SYN2: variants seen among roughly 807,000 people sequenced by gnomAD.
SYN2 encodes synapsin-2.
SYN2 carries 19 observed loss-of-function variants against 50.9 expected under a neutral mutation model. That is an observed-to-expected ratio of 0.37 (90% CI 0.26 to 0.55). The LOEUF (loss-of-function observed/expected upper bound fraction) is 0.55, where lower values mean the gene tolerates loss of function less well. SYN2 is among the 20% of genes least tolerant of loss of function. The probability of loss-of-function intolerance (pLI) is 0.81; values close to 1 mark genes in which losing one functional copy is unlikely to be tolerated. For missense variants in SYN2, 587 were observed against 576.4 expected (o/e 1.02, Z -0.19); for synonymous variants, 255 against 224.9 (o/e 1.13, Z -1.20).
chr3:12,044,181 T>TCTCTCTCTCTCTCTCACACACACA, intron 1 of SYN2, among the ~76,000 whole-genome samples: 1 of 53,406 alleles, frequency 1.9e-5, no homozygotes, highest in African/African-American at 4.6e-5. Context: ...TCTCTCTCTC[T>TCTCTCTCTCTCTCTCACACACACA]CACACACACA....
rs144206440 is a variant in SYN2, at chr3:12,143,673, T to C, written c.527+1677T>C. ...ATGGTGTATGCTATATATATTTTCT[T>C]CATCCAGTCATCCACTGATGGATAC... is the stretch of plus-strand genomic sequence containing the variant. On this transcript the variant is annotated intron_variant, in intron 3 of 12. Coordinates refer to ENST00000621198, the MANE Select transcript of SYN2 (RefSeq NM_133625.6). 7.9e-5 allele frequency among the ~76,000 whole-genome samples: 12 copies of C among 152,338 alleles called. No individual in the cohort carries two copies. In the East Asian group the frequency reaches 1.7e-3, roughly 22 times the overall value.
chr3:12,157,017 A>C, intron 5 of SYN2: 2 of 1,002,326 alleles, frequency 2.0e-6, no homozygotes, highest in Non-Finnish European at 1.5e-6. Flanking sequence ...CTCACTTCTC[A>C]GCCTAAAAAT....
intron 1 of SYN2, among the ~76,000 whole-genome samples, chr3:12,092,653 T>C (rs899814010): frequency 5.3e-5 from 8 of 152,252 alleles, no homozygotes; most frequent in Non-Finnish European, 7.3e-5. Context: ...TCATGCCTTA[T>C]GTCTTCAGCC....
At chr3:12,006,019 G>A (rs1693796356) in intron 1 of SYN2, among the ~76,000 whole-genome samples, 1 of 151,476 alleles carries the variant, frequency 6.6e-6, no homozygotes, top group Non-Finnish European at 1.5e-5. Flanking sequence ...TCTCATAGGG[G>A]TTGAGGTTGG....
chr3:12,102,990 T>C (rs938337211), intron 1 of SYN2, among the ~76,000 whole-genome samples: 2 of 152,152 alleles, frequency 1.3e-5, no homozygotes, highest in Non-Finnish European at 2.9e-5. Context: ...TGAACACTTA[T>C]TTAGAATTTA....
At chr3:12,113,074 C>T (rs1006195881) in intron 1 of SYN2, among the ~76,000 whole-genome samples, 1 of 152,106 alleles carries the variant, frequency 6.6e-6, no homozygotes, top group Non-Finnish European at 1.5e-5. Flanking sequence ...ACGTTCTAGG[C>T]CCCGTGGTGG....
intron 1 of SYN2, among the ~76,000 whole-genome samples, chr3:12,140,429 A>C (rs988003789): frequency 1.2e-4 from 19 of 152,166 alleles, no homozygotes; most frequent in African/African-American, 4.1e-4. Context: ...CCTGATAATG[A>C]AGGGATGTTT....
chr3:12,061,254 G>A (rs1695107438), intron 1 of SYN2, among the ~76,000 whole-genome samples: 2 of 152,084 alleles, frequency 1.3e-5, no homozygotes, highest in Non-Finnish European at 2.9e-5. Flanking sequence ...TATAAGATGT[G>A]CAATTATATG....
intron 5 of SYN2, chr3:12,153,539 C>G (rs1429891600): frequency 1.2e-6 from 2 of 1,613,784 alleles, no homozygotes; most frequent in African/African-American, 1.3e-5. Context: ...TGTCAACAAA[C>G]TCCTTCCTGA....
intron 1 of SYN2, among the ~76,000 whole-genome samples, chr3:12,019,411 G>A (rs1040643617): frequency 1.3e-5 from 2 of 152,120 alleles, no homozygotes; most frequent in Admixed American, 6.5e-5. Context: ...AGAAGGAGCT[G>A]GGAAACAGAA....
At chr3:12,059,937 C>G (rs902610109) in intron 1 of SYN2, among the ~76,000 whole-genome samples, 8 of 152,130 alleles carry the variant, frequency 5.3e-5, no homozygotes, top group Admixed American at 3.9e-4. Context: ...ATCATCATAC[C>G]TAGCCTTGCT....
At chr3:12,165,423 T>C (rs1697760263) in intron 7 of SYN2, 1 of 152,220 alleles carries the variant, frequency 6.6e-6, no homozygotes, top group Non-Finnish European at 1.5e-5. Flanking sequence ...CTTCTCAGAT[T>C]ATGAAAATTA....
intron 7 of SYN2, among the ~76,000 whole-genome samples, chr3:12,166,207 C>A (rs1697789328): frequency 6.6e-6 from 1 of 152,286 alleles, no homozygotes; most frequent in Middle Eastern, 3.4e-3. Flanking sequence ...AGGACACTCT[C>A]TAACAGTATT....
At chr3:12,146,913 C>A (rs1697162124) in intron 4 of SYN2, among the ~76,000 whole-genome samples, 1 of 152,128 alleles carries the variant, frequency 6.6e-6, no homozygotes, top group African/African-American at 2.4e-5. Flanking sequence ...ATGCAGGCCT[C>A]CCCTGCATCA....
At chr3:12,114,009 C>T (rs1196456151) in intron 1 of SYN2, among the ~76,000 whole-genome samples, 2 of 152,020 alleles carry the variant, frequency 1.3e-5, no homozygotes, top group Non-Finnish European at 1.5e-5. Context: ...AACTACCAGA[C>T]TGTTCTCTAT....
At chr3:12,110,391 G>A (rs561450536) in intron 1 of SYN2, among the ~76,000 whole-genome samples, 31 of 152,162 alleles carry the variant, frequency 2.0e-4, no homozygotes, top group African/African-American at 6.7e-4. Context: ...AAGCTTTTCC[G>A]GGCACTTGGT....
At chr3:12,049,718 A>T (rs1222088233) in intron 1 of SYN2, among the ~76,000 whole-genome samples, 1 of 152,140 alleles carries the variant, frequency 6.6e-6, no homozygotes, top group East Asian at 1.9e-4. Flanking sequence ...GTTTTCTGCT[A>T]TGACATTCTT....
intron 1 of SYN2, among the ~76,000 whole-genome samples, chr3:12,027,513 C>T (rs1047412367): frequency 1.3e-5 from 2 of 152,130 alleles, no homozygotes; most frequent in African/African-American, 4.8e-5. Flanking sequence ...GAGCACAGTA[C>T]CTGATCAGTT....
At chr3:12,175,274 T>C (rs1207693228) in intron 10 of SYN2, among the ~76,000 whole-genome samples, 1 of 152,240 alleles carries the variant, frequency 6.6e-6, no homozygotes, top group Non-Finnish European at 1.5e-5. Flanking sequence ...GGAAGAGGCA[T>C]CTTTAATAGC....
Sources: allele counts gnomAD v4.1 joint callset (sites outside exome capture counted in the v4.1 genomes callset), GRCh38; gene constraint gnomAD v4.1.1; transcripts MANE v1.5; gene names NCBI Gene and HGNC (gene_info 2026-07-23, HGNC 2026-07-21).